The following ACYP2 variants were observed in gnomAD, a reference collection of about 807,000 sequenced individuals.
ACYP2 encodes the protein acylphosphatase-2.
Under a neutral mutation model 11.2 loss-of-function variants are expected in ACYP2, and 12 were observed. That is an observed-to-expected ratio of 1.08 (90% confidence interval 0.69 to 1.74). The LOEUF (loss-of-function observed/expected upper bound fraction) is 1.74, where lower values mean the gene tolerates loss of function less well. ACYP2 is among the 40% of genes most tolerant of loss of function. ACYP2 has a pLI of 0.00. For synonymous variants in ACYP2, 43 were observed against 32.2 expected, an observed-to-expected ratio of 1.33 and a Z score of -1.13; for missense variants, 134 against 101.9, an observed-to-expected ratio of 1.31 and a Z score of -1.35.
intron 6 of ACYP2, among the ~76,000 whole-genome samples, chr2:54,170,106 G>C: frequency 6.6e-6 from 1 of 152,076 alleles, no homozygotes; most frequent in East Asian, 1.9e-4. Context: ...AACTATGTAA[G>C]TTGTGTCCTA....
At chr2:54,300,366 G>T (rs1339688373) in intron 6 of ACYP2, among the ~76,000 whole-genome samples, 1 of 152,220 alleles carries the variant, frequency 6.6e-6, no homozygotes, top group Non-Finnish European at 1.5e-5. Flanking sequence ...CTGGAAGATG[G>T]CCCTTAGCCA....
chr2:54,016,972 A>G (rs1010416295), intron 2 of ACYP2, among the ~76,000 whole-genome samples: 28 of 151,840 alleles, frequency 1.8e-4, no homozygotes, highest in African/African-American at 6.5e-4. Context: ...TGATCCACCC[A>G]TCTCGGCCTC....
intron 4 of ACYP2, among the ~76,000 whole-genome samples, chr2:54,093,939 C>CA (rs1008805750): frequency 2.3e-4 from 28 of 121,624 alleles, no homozygotes; most frequent in Non-Finnish European, 4.1e-4. Flanking sequence ...GACTCTGTCT[C>CA]AAAAAACAAA....
At chr2:54,274,022 G>C (rs1007989382) in intron 6 of ACYP2, among the ~76,000 whole-genome samples, 2 of 152,176 alleles carry the variant, frequency 1.3e-5, no homozygotes, top group Non-Finnish European at 2.9e-5. Context: ...GCTTATGCCT[G>C]TTGTATTAGT....
At chr2:54,255,459 C>G in intron 6 of ACYP2, 1 of 1,614,012 alleles carries the variant, frequency 6.2e-7, no homozygotes, top group Admixed American at 1.7e-5. Flanking sequence ...CATGAATCTG[C>G]CCAAACCTGC....
intron 2 of ACYP2, among the ~76,000 whole-genome samples, chr2:54,008,360 C>G (rs1673185830): frequency 1.3e-5 from 2 of 152,216 alleles, no homozygotes; most frequent in Non-Finnish European, 2.9e-5. Context: ...AGCTATACTT[C>G]CTTTCCAAAC....
chr2:54,095,736 C>T (rs1170330098), intron 4 of ACYP2, among the ~76,000 whole-genome samples: 1 of 110,520 alleles, frequency 9.0e-6, no homozygotes. Flanking sequence ...TAGGGGCGGC[C>T]GGGCAGAGGC....
intron 4 of ACYP2, among the ~76,000 whole-genome samples, chr2:54,120,737 G>T (rs899652574): frequency 5.9e-5 from 9 of 152,162 alleles, no homozygotes; most frequent in Non-Finnish European, 1.0e-4. Context: ...TGGCTCTGTG[G>T]TCAGCCCGCA....
chr2:54,153,345 T>G (rs1682271210), intron 6 of ACYP2, among the ~76,000 whole-genome samples: 2 of 152,116 alleles, frequency 1.3e-5, no homozygotes, highest in African/African-American at 2.4e-5. Flanking sequence ...TGTTTCTATT[T>G]TTATGTCAGT....
rs141852625 is a variant in ACYP2, at chr2:54,061,889, C to T, written c.277+4529C>T. 6.0e-3 allele frequency among the ~76,000 whole-genome samples: 907 copies of T among 152,120 alleles called. 9 individuals are homozygous for T. The highest frequency in any genetic ancestry group is 0.02 in the African/African-American group (821 of 41,480). Reference sequence around the variant, plus strand: ...AAGAGTTTGTGACTACCCTAGGCAACGTAATGAGACCCTGCCTCTATAAAA... The same window carrying T: ...AAGAGTTTGTGACTACCCTAGGCAATGTAATGAGACCCTGCCTCTATAAAA... On this transcript the variant is annotated intron_variant, in intron 4 of 6. Transcript: ENST00000607452.
intron 6 of ACYP2, among the ~76,000 whole-genome samples, chr2:54,172,788 C>T (rs1683271952): frequency 6.6e-6 from 1 of 152,176 alleles, no homozygotes; most frequent in East Asian, 1.9e-4. Context: ...TGAGTGAGAA[C>T]ATGTGGTGTT....
chr2:53,990,810 T>G (rs1672253617), intron 2 of ACYP2, among the ~76,000 whole-genome samples: 1 of 152,028 alleles, frequency 6.6e-6, no homozygotes, highest in African/African-American at 2.4e-5. Context: ...TGTTTTTTGT[T>G]TTTTAAGGCA....
chr2:54,072,156 A>G (rs1336350320), intron 4 of ACYP2, among the ~76,000 whole-genome samples: 1 of 152,224 alleles, frequency 6.6e-6, no homozygotes, highest in Non-Finnish European at 1.5e-5. Context: ...ACTATCAAAT[A>G]TTGTTGAAAG....
chr2:54,126,835 T>C (rs1452526409), intron 4 of ACYP2, among the ~76,000 whole-genome samples: 1 of 151,516 alleles, frequency 6.6e-6, no homozygotes, highest in Non-Finnish European at 1.5e-5. Flanking sequence ...GTGCCTGTAA[T>C]CCCAGCTACC....
At chr2:54,022,612 T>A (rs1674063019) in intron 2 of ACYP2, among the ~76,000 whole-genome samples, 1 of 152,098 alleles carries the variant, frequency 6.6e-6, no homozygotes, top group African/African-American at 2.4e-5. Flanking sequence ...ATTTCTGACC[T>A]CAAGCAACCC....
At chr2:54,248,346 C>CACAAAAG (rs946573102) in intron 6 of ACYP2, among the ~76,000 whole-genome samples, 8 of 152,148 alleles carry the variant, frequency 5.3e-5, no homozygotes, top group Non-Finnish European at 1.0e-4. Context: ...AGATAAGTAT[C>CACAAAAG]ACAAAAGACA....
chr2:54,253,544 T>A (rs1687336690), intron 6 of ACYP2: 1 of 152,176 alleles, frequency 6.6e-6, no homozygotes. Context: ...AGGGAACATA[T>A]TTAACACTCC....
chr2:54,277,659 T>A (rs774818951), intron 6 of ACYP2, among the ~76,000 whole-genome samples: 6 of 151,844 alleles, frequency 4.0e-5, no homozygotes, highest in East Asian at 3.9e-4. Context: ...GCCTGGGCGA[T>A]AGAGAGAGAC....
chr2:54,109,978 T>A (rs1417534241), intron 4 of ACYP2, among the ~76,000 whole-genome samples: 1 of 152,200 alleles, frequency 6.6e-6, no homozygotes, highest in African/African-American at 2.4e-5. Context: ...ATACTAACAT[T>A]GCATCTAGTC....
Sources: gnomAD v4.1 joint callset for allele counts (sites outside exome capture counted in the v4.1 genomes callset) on GRCh38, gnomAD v4.1.1 for gene constraint, MANE v1.5 for transcripts, NCBI Gene and HGNC (gene_info 2026-07-23, HGNC 2026-07-21) for gene names.